The following PSMA1 variants were observed in gnomAD, a reference collection of about 807,000 sequenced individuals.
PSMA1 encodes proteasome subunit alpha type-1.
A neutral mutation model predicts 38.4 loss-of-function variants in PSMA1; 3 were observed. That is an observed-to-expected ratio of 0.08 (90% CI 0.04 to 0.20). The LOEUF is 0.20. PSMA1 is among the 10% of genes least tolerant of loss of function. The probability of loss-of-function intolerance (pLI) is 1.00; values close to 1 mark genes in which losing one functional copy is unlikely to be tolerated. For synonymous variants in PSMA1, 101 were observed against 107.1 expected, an observed-to-expected ratio of 0.94 and a Z score of 0.35; for missense variants, 227 against 325.3, an observed-to-expected ratio of 0.70 and a Z score of 2.32.
At chr11:14,511,133 T>A in intron 7 of PSMA1, 182 bp from the exon 8 acceptor site, 1 of 398,166 alleles carries the variant, frequency 2.5e-6, no homozygotes, top group South Asian at 5.6e-5. Flanking sequence ...CATTGCTGAT[T>A]CTTATTTTAT....
At chr11:14,626,512 A>T (rs1417831553) in intron 1 of PSMA1, among the ~76,000 whole-genome samples, 1 of 152,206 alleles carries the variant, frequency 6.6e-6, no homozygotes, top group African/African-American at 2.4e-5. Flanking sequence ...TCTCTTATAT[A>T]TTAATCATAC....
Position 14,534,116 on chromosome 11 carries a change from G to A in PSMA1, c.22-15075C>T, listed in dbSNP as rs1851678209. Among the ~76,000 whole-genome samples, 1 of 152,158 alleles carries A rather than the reference G, an allele frequency of 6.6e-6. No individual in the cohort carries two copies. The highest frequency in any genetic ancestry group is 2.4e-5 in the African/African-American group (1 of 41,454). On this transcript the variant is annotated intron_variant, in intron 2 of 10. Coordinates refer to the PSMA1 transcript ENST00000418988. The surrounding 1 kb of genome is among the most constrained non-coding windows in gnomAD (Gnocchi z 4.5). ...GAATCACTTGAACCCAGGAGGTGGA[G>A]GTTGCAGTGAGCCGAAATTGTGCCA...
chr11:14,633,138 G>A lies in PSMA1; in HGVS notation c.-166+10317C>T, dbSNP rs1446244377. 6.6e-5 allele frequency among the ~76,000 whole-genome samples: 10 copies of A among 152,264 alleles called. No individual in the cohort carries two copies. In the South Asian group the frequency reaches 1.4e-3, roughly 22 times the overall value. Reference sequence around the variant, plus strand: ...ATCTGAAGCCTTCTTCTCTCAGCTCGTCAAAGTCATTCTCCATCCAGCTTT... The same window carrying A: ...ATCTGAAGCCTTCTTCTCTCAGCTCATCAAAGTCATTCTCCATCCAGCTTT... On this transcript the variant is annotated intron_variant, in intron 1 of 10. Coordinates refer to the PSMA1 transcript ENST00000418988.
At chr11:14,513,532 C>CAAA (rs59773789) in intron 7 of PSMA1, 38 bp downstream of exon 7, 50 of 1,155,112 alleles carry the variant, frequency 4.3e-5, no homozygotes, top group South Asian at 3.3e-4. Flanking sequence ...CTGGAAAAGG[C>CAAA]AAAAAAAAAA....
chr11:14,637,348 CTCCATG>C (rs1180986251), intron 1 of PSMA1, among the ~76,000 whole-genome samples: 2 of 152,236 alleles, frequency 1.3e-5, no homozygotes, highest in Non-Finnish European at 2.9e-5. Flanking sequence ...CTGTGAACTA[CTCCATG>C]TCCTATCACT....
rs112861685 is a variant in PSMA1, at chr11:14,610,019, G to C, written c.21+947C>G. Among the ~76,000 whole-genome samples the C allele has an allele frequency of 5.9e-3, 896 of 152,262 alleles. 9 individuals carry two copies. The highest frequency in any genetic ancestry group is 0.021 in the African/African-American group (861 of 41,554). On this transcript the variant is annotated intron_variant, in intron 2 of 10. Transcript: ENST00000418988. Reference sequence around the variant, plus strand: ...TGGTTGGGTTTCTGGATACAGTTTGGTGGCAGTCACAGCCAATTTTCAGGA... The same window carrying C: ...TGGTTGGGTTTCTGGATACAGTTTGCTGGCAGTCACAGCCAATTTTCAGGA...
At chr11:14,612,248 T>A (rs1852718768) in intron 1 of PSMA1, among the ~76,000 whole-genome samples, 1 of 152,218 alleles carries the variant, frequency 6.6e-6, no homozygotes, top group Admixed American at 6.5e-5. Context: ...ATTTCAGTTT[T>A]TGCTAACCAT....
intron 2 of PSMA1, among the ~76,000 whole-genome samples, chr11:14,565,553 T>C (rs1211577685): frequency 3.3e-5 from 5 of 152,210 alleles, no homozygotes; most frequent in African/African-American, 1.2e-4. Flanking sequence ...TTATATTGCA[T>C]AGAGAAAGCC....
intron 2 of PSMA1, among the ~76,000 whole-genome samples, chr11:14,546,158 T>C (rs1216517101): frequency 3.3e-5 from 5 of 152,002 alleles, no homozygotes; most frequent in Non-Finnish European, 5.9e-5. Flanking sequence ...CTCTTTTTTT[T>C]TTTTTTAGTA....
In PSMA1 at chr11:14,505,233, C is replaced by T. The variant is rs1413768523; in HGVS notation, c.751G>A (p.Asp251Asn). 6.2e-7 allele frequency: 1 copy of T among 1,613,722 alleles called. No individual in the cohort carries two copies. Among genetic ancestry groups the T allele is most frequent in the African/African-American group, 1.3e-5 (1 of 75,012 alleles). ...QRKAQPAQPA[D>N]EPAEKADEPM... ...TCATCAGCCTTTTCTGCAGGTTCAT[C>T]AGCAGGTTGAGCAGGCTTAACAGGG... The change falls in exon 10 of 10, where the codon GAT becomes AAT. Residue 251 changes from aspartate to asparagine, a missense_variant. Transcript: ENST00000396394.
At chr11:14,607,559 T>C (rs1852657492) in intron 2 of PSMA1, among the ~76,000 whole-genome samples, 2 of 152,148 alleles carry the variant, frequency 1.3e-5, no homozygotes, top group Non-Finnish European at 2.9e-5. Context: ...AGTTGTCCTA[T>C]TATATAGTAT....
chr11:14,589,017 C>T (rs1441513861), intron 2 of PSMA1, among the ~76,000 whole-genome samples: 2 of 152,146 alleles, frequency 1.3e-5, no homozygotes, highest in East Asian at 1.9e-4. Flanking sequence ...AGGCATTCAC[C>T]CTTCTTACTC....
chr11:14,602,860 C>T (rs1218274778), intron 2 of PSMA1, among the ~76,000 whole-genome samples: 4 of 152,084 alleles, frequency 2.6e-5, no homozygotes, highest in South Asian at 4.1e-4. Context: ...TCAGATTTCA[C>T]GTGAGTTCCG....
intron 2 of PSMA1, among the ~76,000 whole-genome samples, chr11:14,548,437 T>A (rs1851851399): frequency 6.6e-6 from 1 of 152,166 alleles, no homozygotes. Context: ...TGTGCATGTA[T>A]ACACATACTT....
intron 2 of PSMA1, among the ~76,000 whole-genome samples, chr11:14,540,749 C>A (rs1000391715): frequency 5.3e-5 from 8 of 152,128 alleles, no homozygotes; most frequent in East Asian, 1.9e-4. Flanking sequence ...GCTTACTGTT[C>A]TTTTTAAAAA....
chr11:14,564,663 T>C (rs1321040252), intron 2 of PSMA1, among the ~76,000 whole-genome samples: 9 of 152,236 alleles, frequency 5.9e-5, no homozygotes, highest in Non-Finnish European at 2.9e-5. Context: ...CAGCAATGTA[T>C]GAGTGATTTG....
chr11:14,546,501 G>A (rs536725061), intron 2 of PSMA1, among the ~76,000 whole-genome samples: 4 of 151,994 alleles, frequency 2.6e-5, no homozygotes, highest in South Asian at 2.1e-4. Context: ...ACAATGGCAC[G>A]ATCTCGGCTC....
intron 2 of PSMA1, among the ~76,000 whole-genome samples, chr11:14,553,188 A>G (rs1589990861): frequency 6.6e-6 from 1 of 152,120 alleles, no homozygotes; most frequent in Non-Finnish European, 1.5e-5. Context: ...TTATAGATTC[A>G]TAGGAAATTC....
chr11:14,600,929 T>TTG (rs921530819), intron 2 of PSMA1, among the ~76,000 whole-genome samples: 7 of 152,246 alleles, frequency 4.6e-5, no homozygotes, highest in Non-Finnish European at 1.0e-4. Context: ...TTTCCCACTT[T>TTG]TGTGTAGTTC....
Sources: allele counts gnomAD v4.1 joint callset (sites outside exome capture counted in the v4.1 genomes callset), GRCh38; gene constraint gnomAD v4.1.1; non-coding constraint Gnocchi (gnomAD v3.1); transcripts MANE v1.5; gene names NCBI Gene and HGNC (gene_info 2026-07-23, HGNC 2026-07-21).